Variants in TLN2 observed in about 807,000 individuals in gnomAD.
TLN2 encodes talin-2.
TLN2 carries 118 observed loss-of-function variants against 294.7 expected under a neutral mutation model. The ratio of observed to expected loss-of-function variants is 0.40; its 90% CI spans 0.34 to 0.47. TLN2 has a LOEUF of 0.47. Among genes scored for constraint, TLN2 ranks in the 20% least tolerant of loss-of-function variants. The pLI, the probability that TLN2 is intolerant of heterozygous loss-of-function variation, is 0.84. For synonymous variants in TLN2, 1,431 were observed against 1,304.5 expected, an observed-to-expected ratio of 1.10 and a Z score of -2.09; for missense variants, 3,083 against 3,282.2, an observed-to-expected ratio of 0.94 and a Z score of 1.48.
At chr15:62,763,852 T>A (rs1042145627) in intron 40 of TLN2, among the ~76,000 whole-genome samples, 157 bp downstream of exon 40, 1 of 152,074 alleles carries the variant, frequency 6.6e-6, no homozygotes, top group Non-Finnish European at 1.5e-5. Flanking sequence ...ATCTGGGAAC[T>A]TTTTGGAGAG....
intron 1 of TLN2, among the ~76,000 whole-genome samples, chr15:62,392,306 A>G (rs1001081753): frequency 2.7e-4 from 41 of 152,222 alleles, no homozygotes; most frequent in African/African-American, 9.4e-4. Context: ...TGAGAGAGGA[A>G]TGAACTGAAG....
chr15:62,568,073 T>A (rs571396083), intron 1 of TLN2, among the ~76,000 whole-genome samples: 443 of 152,334 alleles, frequency 2.9e-3, no homozygotes, highest in Non-Finnish European at 5.1e-3. Context: ...AGCATTTTTA[T>A]GTCCCTAATT....
chr15:62,707,920 G>T (rs1156660006), intron 20 of TLN2, among the ~76,000 whole-genome samples: 1 of 151,976 alleles, frequency 6.6e-6, no homozygotes, highest in East Asian at 1.9e-4. Context: ...TCCGTTTCTG[G>T]AATTGATGGC....
At chr15:62,715,253 C>G (rs1455617192) in intron 22 of TLN2, among the ~76,000 whole-genome samples, 1 of 152,174 alleles carries the variant, frequency 6.6e-6, no homozygotes, top group Non-Finnish European at 1.5e-5. Flanking sequence ...GTAAGTTTAG[C>G]AAATTGGCCA....
At position 62,564,921 on chromosome 15, in the gene TLN2, A is replaced by ATATATAT. The variant is rs1160315259; in HGVS notation, c.-237-24766_-237-24765insTATATAT. ...ACTCCATCTCAAAAAAAAAAAAAAA[A>ATATATAT]AAAAATATATATATATATATACTGC... On this transcript the variant is annotated intron_variant, in intron 1 of 58. Transcript: ENST00000636159. Among the ~76,000 whole-genome samples, 875 of 112,900 alleles carry ATATATAT rather than the reference A, an allele frequency of 7.8e-3. 3 individuals carry two copies. Among genetic ancestry groups the ATATATAT allele is most frequent in the Non-Finnish European group, 0.012 (654 of 53,844 alleles). 74.1% of individuals were successfully genotyped at this position (112,900 alleles called of 152,430 possible).
chr15:62,575,223 G>T (rs2044285274), intron 1 of TLN2, among the ~76,000 whole-genome samples: 2 of 152,172 alleles, frequency 1.3e-5, no homozygotes, highest in Non-Finnish European at 2.9e-5. Context: ...TGAGGTGAGA[G>T]GTGGGAGGAT....
chr15:62,764,971 TAAAAA>T (rs5813170), intron 40 of TLN2, among the ~76,000 whole-genome samples: 4 of 108,916 alleles, frequency 3.7e-5, no homozygotes, highest in Non-Finnish European at 3.6e-5. Context: ...GACTCCATCT[TAAAAA>T]AAAAAAAAAA....
chr15:62,529,781 T>C (rs1264309616), intron 1 of TLN2, among the ~76,000 whole-genome samples: 1 of 152,252 alleles, frequency 6.6e-6, no homozygotes, highest in East Asian at 1.9e-4. Context: ...TAAGTAAATA[T>C]AGGACTTCTG....
intron 1 of TLN2, among the ~76,000 whole-genome samples, chr15:62,423,531 T>C (rs1167711026): frequency 1.3e-5 from 2 of 152,090 alleles, no homozygotes; most frequent in Non-Finnish European, 2.9e-5. Flanking sequence ...CACATCTTTT[T>C]CACATGAACT....
intron 1 of TLN2, among the ~76,000 whole-genome samples, chr15:62,440,541 C>G (rs1253906856): frequency 1.3e-5 from 2 of 152,144 alleles, no homozygotes; most frequent in Non-Finnish European, 2.9e-5. Flanking sequence ...GTGTTTGTGC[C>G]AAACGTCAGG....
intron 3 of TLN2, 117 bp from the exon 4 acceptor site, chr15:62,647,158 T>C (rs1204644746): frequency 9.8e-7 from 1 of 1,018,120 alleles, no homozygotes; most frequent in Non-Finnish European, 1.4e-6. Context: ...TTATTTGCTG[T>C]TTTATTCTCT....
intron 1 of TLN2, among the ~76,000 whole-genome samples, chr15:62,503,376 G>A (rs906096663): frequency 1.3e-5 from 2 of 152,140 alleles, no homozygotes; most frequent in Admixed American, 6.5e-5. Flanking sequence ...TGTGTGCTGT[G>A]TAATTATTCT....
In TLN2 at chr15:62,766,693, A is replaced by G. The variant is rs375485489; in HGVS notation, c.5196+271A>G. The stretch of plus-strand genomic sequence containing the variant: ...GCCAGAGATGTAATTTGGCATTTAC[A>G]GTCATCCGTTGCAATCGACCTTTGC... On this transcript the variant is annotated intron_variant, in intron 41 of 58. Coordinates refer to ENST00000636159, the MANE Select transcript of TLN2 (RefSeq NM_015059.3). 2.0e-5 allele frequency among the ~76,000 whole-genome samples: 3 copies of G among 152,356 alleles called. No homozygotes were observed. The East Asian group carries it at 5.8e-4, about 29-fold the overall frequency.
At chr15:62,718,536 G>A (rs1567445797) in intron 24 of TLN2, among the ~76,000 whole-genome samples, 1 of 152,212 alleles carries the variant, frequency 6.6e-6, no homozygotes, top group Admixed American at 6.5e-5. Context: ...ATGGAGCCCT[G>A]TATTCCTGAA....
At chr15:62,593,186 A>T (rs1367864306) in intron 2 of TLN2, among the ~76,000 whole-genome samples, 1 of 152,166 alleles carries the variant, frequency 6.6e-6, no homozygotes, top group African/African-American at 2.4e-5. Flanking sequence ...CTTCATTAAA[A>T]ATGTAACCTG....
intron 1 of TLN2, among the ~76,000 whole-genome samples, chr15:62,544,664 CT>C (rs1184850452): frequency 6.6e-6 from 1 of 152,034 alleles, no homozygotes; most frequent in Non-Finnish European, 1.5e-5. Flanking sequence ...TCCATCAACT[CT>C]GTCATCATCA....
intron 32 of TLN2, among the ~76,000 whole-genome samples, chr15:62,741,099 G>C (rs1023068479): frequency 2.0e-5 from 3 of 152,106 alleles, no homozygotes; most frequent in African/African-American, 7.2e-5. Context: ...TTATAAAATA[G>C]TATATATGCT....
rs191767652 is a variant in TLN2 at position 62,727,331 on chromosome 15, G to C, written c.3358+142G>C. 2.0e-5 allele frequency: 14 copies of C among 717,116 alleles called. No homozygotes were observed. In the African/African-American group the frequency reaches 2.2e-4, roughly 11 times the overall value. The allele number at this position is 717,116 out of a possible 1,614,324, so 44.4% of individuals were successfully genotyped here. A position where few individuals can be genotyped will look rare whatever the true frequency, so the allele number is the denominator to read the frequency against. On this transcript the variant is annotated intron_variant, in intron 28 of 58. Coordinates refer to ENST00000636159, the MANE Select transcript of TLN2 (RefSeq NM_015059.3). ...ACCGTATATTTTTCAAGCACCATGT[G>C]CTTGTTACCGGGCTTGATACTAAGC...
chr15:62,671,057 G>A (rs7182012), intron 9 of TLN2, among the ~76,000 whole-genome samples: 1,720 of 152,224 alleles, frequency 0.011, 37 homozygotes, highest in African/African-American at 0.039. Flanking sequence ...ATGCTTTCAT[G>A]TGCCTATTGG....
Sources: allele counts gnomAD v4.1 joint callset (sites outside exome capture counted in the v4.1 genomes callset), GRCh38; gene constraint gnomAD v4.1.1; transcripts MANE v1.5; gene names NCBI Gene and HGNC (gene_info 2026-07-23, HGNC 2026-07-21).